The following DGKG variants were observed in gnomAD, a reference collection of about 807,000 sequenced individuals.
DGKG encodes diacylglycerol kinase gamma, also known as DAG kinase gamma.
A neutral mutation model predicts 105.3 loss-of-function variants in DGKG; 78 were observed. That is an observed-to-expected ratio of 0.74 (90% CI 0.62 to 0.89). The LOEUF is 0.89. Among genes scored for constraint, DGKG ranks in the 40% least tolerant of loss-of-function variants. DGKG has a pLI of 0.00. For synonymous variants in DGKG, 346 were observed against 367.1 expected (o/e 0.94, Z 0.66); for missense variants, 958 against 1,020.1 (o/e 0.94, Z 0.83).
intron 20 of DGKG, among the ~76,000 whole-genome samples, chr3:186,242,186 A>G (rs1201772644): frequency 6.6e-6 from 1 of 152,212 alleles, no homozygotes; most frequent in Non-Finnish European, 1.5e-5. Context: ...GCAGAGACTC[A>G]GGACGGGGGT....
At chr3:186,277,539 C>T (rs1203014881) in intron 9 of DGKG, among the ~76,000 whole-genome samples, 2 of 152,224 alleles carry the variant, frequency 1.3e-5, no homozygotes, top group South Asian at 2.1e-4. Flanking sequence ...TGATAGCACT[C>T]TTCAGCAGAC....
chr3:186,150,164 C>G lies in DGKG; in HGVS notation c.2302G>C (p.Ala768Pro). The G allele has an allele frequency of 6.2e-7, 1 of 1,613,076 alleles. No homozygotes were observed. Among genetic ancestry groups the G allele is most frequent in the South Asian group, 1.1e-5 (1 of 90,822 alleles). Reference protein sequence around the residue: ...CTIKITHKNQAPMMMGPPQKS... With the variant: ...CTIKITHKNQPPMMMGPPQKS... ...TGGGGAGGCCCCATCATCATGGGCG[C>G]TTGGTTCTTGTGAGTAATTTTAATC... is the stretch of plus-strand genomic sequence containing the variant. Residue 768 changes from alanine to proline, a missense_variant, in exon 25 of 25, where the codon GCG (alanine) becomes CCG (proline). By Grantham distance (27) the Ala-to-Pro change is conservative. Transcript: ENST00000265022.
chr3:186,150,245 G>C lies in DGKG; in HGVS notation c.2278-57C>G. On this transcript the variant is annotated intron_variant, in intron 24 of 24. Transcript: ENST00000265022. Reference sequence around the variant, plus strand: ...GCATGCAAATCTCAGTAGCCTAAGGGAGAGTGAGTCGCAGAGAAAGGAAAG... The same window carrying C: ...GCATGCAAATCTCAGTAGCCTAAGGCAGAGTGAGTCGCAGAGAAAGGAAAG... 4 of 1,559,900 alleles carry C rather than the reference G, an allele frequency of 2.6e-6. 1 individual carries two copies. In the South Asian group the frequency reaches 4.7e-5, roughly 18 times the overall value.
rs1727234667 is a variant in DGKG, at chr3:186,361,622, GA to G, written c.-249+323del. ...CCAAGGTTAAGTCCAGAAGAAGAAG[GA>G]AATCCGACCAGTTGCTTTAGCAAAC... On this transcript the variant is annotated intron_variant, in intron 1 of 24. Coordinates refer to ENST00000265022, the MANE Select transcript of DGKG (RefSeq NM_001346.3). This position sits in a 1 kb window ranked among gnomAD's most constrained non-coding sequence, Gnocchi z 6.8. Among the ~76,000 whole-genome samples, 1 of 152,196 alleles carries G rather than the reference GA, an allele frequency of 6.6e-6. No homozygotes were observed. Among genetic ancestry groups the G allele is most frequent in the African/African-American group, 2.4e-5 (1 of 41,452 alleles).
chr3:186,303,520 A>G (rs943181970), intron 3 of DGKG, among the ~76,000 whole-genome samples: 2 of 152,234 alleles, frequency 1.3e-5, no homozygotes, highest in African/African-American at 4.8e-5. Flanking sequence ...CGGCACTTTC[A>G]TTCTCAAGAC....
chr3:186,252,684 A>G (rs1721282497), intron 18 of DGKG, among the ~76,000 whole-genome samples: 1 of 152,210 alleles, frequency 6.6e-6, no homozygotes, highest in African/African-American at 2.4e-5. Context: ...TTTAGTCCTA[A>G]TTCAGAAGAT....
chr3:186,299,769 C>CTT (rs1331331886), intron 3 of DGKG, among the ~76,000 whole-genome samples: 2 of 36,044 alleles, frequency 5.5e-5, no homozygotes, highest in Non-Finnish European at 1.1e-4. Context: ...CTTCTTTTCT[C>CTT]TTTCTTTCTT....
intron 12 of DGKG, 82 bp from the exon 13 acceptor site, chr3:186,267,859 G>C: frequency 7.5e-7 from 1 of 1,334,694 alleles, no homozygotes; most frequent in Non-Finnish European, 1.1e-6. Flanking sequence ...TTGGGGGAGA[G>C]GTGAGCTGTC....
chr3:186,193,144 C>T (rs879405308), intron 21 of DGKG, among the ~76,000 whole-genome samples: 3 of 152,240 alleles, frequency 2.0e-5, no homozygotes. Context: ...GTCTGCTGGA[C>T]GCTGATGTCC....
intron 1 of DGKG, among the ~76,000 whole-genome samples, chr3:186,345,746 T>C (rs1363556970): frequency 6.6e-6 from 1 of 152,206 alleles, no homozygotes; most frequent in Non-Finnish European, 1.5e-5. Flanking sequence ...ACTGTTTGAA[T>C]ATATTTTACT....
At chr3:186,286,615 G>A (rs1039840501) in intron 6 of DGKG, among the ~76,000 whole-genome samples, 2 of 152,142 alleles carry the variant, frequency 1.3e-5, no homozygotes, top group African/African-American at 4.8e-5. Flanking sequence ...AAAAATACAT[G>A]TTTGGTTTTT....
chr3:186,346,626 T>C (rs1726343024), intron 1 of DGKG, among the ~76,000 whole-genome samples: 1 of 141,896 alleles, frequency 7.0e-6, no homozygotes, highest in African/African-American at 3.1e-5. Context: ...ACATCAAATT[T>C]CAAGAATAGA....
chr3:186,250,271 C>G (rs1560115049), intron 19 of DGKG, among the ~76,000 whole-genome samples: 1 of 152,030 alleles, frequency 6.6e-6, no homozygotes, highest in Non-Finnish European at 1.5e-5. Context: ...CAAGTGGGAG[C>G]TGAACGATGA....
At position 186,267,679 on chromosome 3, in the gene DGKG, A is replaced by C. The variant is rs1722120308; in HGVS notation, c.1209+6T>G. On this transcript the variant is annotated splice_donor_region_variant and intron_variant, in intron 13 of 24. Transcript: ENST00000265022. Reference sequence around the variant, plus strand: ...CTACAGCCCTCGCCGGGGCAGGAGCACTTACCCGGGTGATGGGGCATATGG... The same window carrying C: ...CTACAGCCCTCGCCGGGGCAGGAGCCCTTACCCGGGTGATGGGGCATATGG... The C allele has an allele frequency of 1.2e-6, 2 of 1,612,494 alleles. No homozygotes were observed. Among genetic ancestry groups the C allele is most frequent in the Admixed American group, 1.7e-5 (1 of 60,002 alleles).
intron 22 of DGKG, among the ~76,000 whole-genome samples, chr3:186,186,346 G>A (rs1273909894): frequency 6.6e-5 from 10 of 152,118 alleles, no homozygotes; most frequent in African/African-American, 1.9e-4. Flanking sequence ...GCACACAGAC[G>A]CAGAGCCATG....
intron 22 of DGKG, among the ~76,000 whole-genome samples, chr3:186,186,329 C>A (rs1433276676): frequency 6.6e-6 from 1 of 152,118 alleles, no homozygotes; most frequent in Non-Finnish European, 1.5e-5. Context: ...CAGCCTGGAA[C>A]ATCAAAGCAC....
intron 21 of DGKG, among the ~76,000 whole-genome samples, chr3:186,195,901 G>A (rs963347141): frequency 1.3e-5 from 2 of 152,134 alleles, no homozygotes; most frequent in African/African-American, 4.8e-5. Flanking sequence ...TCATTAGGAA[G>A]CACATAATTT....
chr3:186,257,681 C>CTTTTT, intron 17 of DGKG, 173 bp downstream of exon 17: 12 of 461,584 alleles, frequency 2.6e-5, no homozygotes, highest in African/African-American at 4.2e-5. Context: ...TGTCTTATTT[C>CTTTTT]TTTTTTTTTT....
chr3:186,227,510 G>A (rs1163855097), intron 20 of DGKG, among the ~76,000 whole-genome samples: 1 of 152,114 alleles, frequency 6.6e-6, no homozygotes, highest in African/African-American at 2.4e-5. Flanking sequence ...GGGTGACCAC[G>A]ACCTGGCATA....
Sources: gnomAD v4.1 joint callset for allele counts (sites outside exome capture counted in the v4.1 genomes callset) on GRCh38, gnomAD v4.1.1 for gene constraint, Gnocchi (gnomAD v3.1) non-coding constraint, MANE v1.5 for transcripts, NCBI Gene and HGNC (gene_info 2026-07-23, HGNC 2026-07-21) for gene names.